Variants in SNTG1 observed in about 807,000 individuals in gnomAD.
The protein encoded by SNTG1 is syntrophin gamma 1.
A neutral mutation model predicts 74.7 loss-of-function variants in SNTG1; 39 were observed. The ratio of observed to expected loss-of-function variants is 0.52; its 90% CI spans 0.40 to 0.68. SNTG1 has a LOEUF of 0.68. SNTG1 is among the 30% of genes least tolerant of loss of function. The pLI, the probability that SNTG1 is intolerant of heterozygous loss-of-function variation, is 0.00. For synonymous variants in SNTG1, 254 were observed against 217.1 expected (o/e 1.17, Z -1.49); for missense variants, 685 against 609.5 (o/e 1.12, Z -1.30).
intron 18 of SNTG1, 138 bp from the exon 19 acceptor site, chr8:50,792,533 C>T (rs1168958656): frequency 1.1e-6 from 1 of 887,976 alleles, no homozygotes; most frequent in Non-Finnish European, 1.7e-6. Context: ...AAAATGTCTA[C>T]ATTTGAAATT....
At chr8:50,672,204 A>G (rs1471874943) in intron 15 of SNTG1, among the ~76,000 whole-genome samples, 1 of 152,050 alleles carries the variant, frequency 6.6e-6, no homozygotes, top group East Asian at 1.9e-4. Flanking sequence ...TAATAATAAA[A>G]AAAAATGTCT....
intron 2 of SNTG1, among the ~76,000 whole-genome samples, chr8:50,385,716 G>A (rs1563314885): frequency 6.6e-6 from 1 of 152,130 alleles, no homozygotes; most frequent in Non-Finnish European, 1.5e-5. Context: ...TGCTTCTGAT[G>A]GGCCTTATGG....
intron 2 of SNTG1, among the ~76,000 whole-genome samples, chr8:50,363,131 G>C (rs1267469228): frequency 1.3e-5 from 2 of 152,098 alleles, no homozygotes; most frequent in Non-Finnish European, 2.9e-5. Context: ...GTAAAGCCTA[G>C]AGAAACTTCT....
intron 2 of SNTG1, among the ~76,000 whole-genome samples, chr8:50,308,768 T>C (rs1271197885): frequency 1.3e-5 from 2 of 152,220 alleles, no homozygotes; most frequent in Non-Finnish European, 2.9e-5. Context: ...TGTCCATAGA[T>C]ATTGGTGTCT....
chr8:50,109,957 C>T (rs531111908), intron 1 of SNTG1, among the ~76,000 whole-genome samples: 52 of 152,248 alleles, frequency 3.4e-4, no homozygotes, highest in Admixed American at 3.1e-3. Context: ...GTCTTAAGTA[C>T]CCACCTTTCC....
chr8:50,413,158 A>G (rs1017673542), intron 4 of SNTG1, among the ~76,000 whole-genome samples: 14 of 152,208 alleles, frequency 9.2e-5, no homozygotes, highest in African/African-American at 3.4e-4. Flanking sequence ...ACACAAATGA[A>G]TTTTTATAAC....
intron 1 of SNTG1, among the ~76,000 whole-genome samples, chr8:50,146,613 A>C (rs925328204): frequency 6.6e-5 from 10 of 152,202 alleles, no homozygotes; most frequent in Non-Finnish European, 1.3e-4. Flanking sequence ...CTTATCTAAA[A>C]AACTGCCAAA....
At chr8:50,066,464 G>A (rs192182637) in intron 1 of SNTG1, among the ~76,000 whole-genome samples, 240 of 152,062 alleles carry the variant, frequency 1.6e-3, no homozygotes, top group East Asian at 0.011. Flanking sequence ...CAACTTTCTG[G>A]AAATACTGTC....
intron 2 of SNTG1, among the ~76,000 whole-genome samples, chr8:50,290,364 G>T (rs533815568): frequency 1.3e-4 from 20 of 152,258 alleles, no homozygotes; most frequent in African/African-American, 4.8e-4. Flanking sequence ...ATGCCTAAAG[G>T]TCCTTGAAAG....
At chr8:50,410,884 A>G (rs1433047205) in intron 4 of SNTG1, among the ~76,000 whole-genome samples, 1 of 152,156 alleles carries the variant, frequency 6.6e-6, no homozygotes, top group Non-Finnish European at 1.5e-5. Context: ...GTGTATATAT[A>G]TGCTTTATCC....
At position 50,734,849 on chromosome 8, in the gene SNTG1, A is replaced by C. The variant is rs540496337; in HGVS notation, c.1285-17152A>C. Among the ~76,000 whole-genome samples, 13 of 88,032 alleles carry C rather than the reference A, an allele frequency of 1.5e-4. 2 individuals are homozygous for C. In the South Asian group the frequency reaches 4.3e-3, roughly 29 times the overall value. 57.8% of individuals were successfully genotyped at this position (88,032 alleles called of 152,430 possible). A position where few individuals can be genotyped will look rare whatever the true frequency, so the allele number is the denominator to read the frequency against. ...GACATATATATATCTATATATATGG[A>C]CATATATATATCTATATATATGGAC... On this transcript the variant is annotated intron_variant, in intron 17 of 18. Coordinates refer to ENST00000642720, the MANE Select transcript of SNTG1 (RefSeq NM_018967.5).
At chr8:50,083,814 G>A (rs1822626483) in intron 1 of SNTG1, among the ~76,000 whole-genome samples, 1 of 152,094 alleles carries the variant, frequency 6.6e-6, no homozygotes, top group African/African-American at 2.4e-5. Context: ...CTTTTCATTT[G>A]TTCATTTCAT....
chr8:50,547,879 T>C (rs1737233952), intron 11 of SNTG1, among the ~76,000 whole-genome samples: 1 of 152,182 alleles, frequency 6.6e-6, no homozygotes. Context: ...CAATGCTTTC[T>C]GCTTCAAATG....
At chr8:50,052,014 C>T (rs1217529329) in intron 1 of SNTG1, among the ~76,000 whole-genome samples, 1 of 151,950 alleles carries the variant, frequency 6.6e-6, no homozygotes, top group Non-Finnish European at 1.5e-5. Context: ...ACAATGCTTT[C>T]CTTATCAAAA....
intron 1 of SNTG1, among the ~76,000 whole-genome samples, chr8:50,060,616 A>G (rs1240055998): frequency 6.6e-6 from 1 of 152,028 alleles, no homozygotes; most frequent in Non-Finnish European, 1.5e-5. Context: ...CAAAGCGGTG[A>G]CAGCAGACAT....
intron 1 of SNTG1, among the ~76,000 whole-genome samples, chr8:49,991,613 A>C (rs564091840): frequency 6.6e-6 from 1 of 152,320 alleles, no homozygotes; most frequent in Admixed American, 6.5e-5. Flanking sequence ...ATAAGAAATA[A>C]GAATAAGAAA....
intron 13 of SNTG1, among the ~76,000 whole-genome samples, chr8:50,598,615 AT>A (rs1334594880): frequency 6.6e-6 from 1 of 151,944 alleles, no homozygotes; most frequent in Non-Finnish European, 1.5e-5. Flanking sequence ...ATCTGTGAAA[AT>A]GGCATTGTCA....
At chr8:50,531,780 C>G (rs1563532835) in intron 10 of SNTG1, among the ~76,000 whole-genome samples, 1 of 152,118 alleles carries the variant, frequency 6.6e-6, no homozygotes, top group South Asian at 2.1e-4. Context: ...GCTCCTAAGA[C>G]AGAAACAAGA....
At chr8:50,645,550 C>T (rs893991507) in intron 13 of SNTG1, among the ~76,000 whole-genome samples, 1 of 152,052 alleles carries the variant, frequency 6.6e-6, no homozygotes, top group Admixed American at 6.6e-5. Flanking sequence ...AAAGACATTG[C>T]ATATAAATAT....
Sources: allele counts gnomAD v4.1 joint callset (sites outside exome capture counted in the v4.1 genomes callset), GRCh38; gene constraint gnomAD v4.1.1; transcripts MANE v1.5; gene names NCBI Gene and HGNC (gene_info 2026-07-23, HGNC 2026-07-21).